The following MARK3 variants were observed in gnomAD, a reference collection of about 807,000 sequenced individuals.
The protein encoded by MARK3 is MAP/microtubule affinity-regulating kinase 3.
In MARK3, 46 loss-of-function variants were observed where a neutral mutation model predicts 90.1. The ratio of observed to expected loss-of-function variants is 0.51; its 90% CI spans 0.40 to 0.65. MARK3 has a LOEUF of 0.65. MARK3 is among the 30% of genes least tolerant of loss of function. The pLI, the probability that MARK3 is intolerant of heterozygous loss-of-function variation, is 0.00. For missense variants in MARK3, 818 were observed against 947.2 expected, an observed-to-expected ratio of 0.86 and a Z score of 1.79; for synonymous variants, 321 against 332.6, an observed-to-expected ratio of 0.97 and a Z score of 0.38.
chr14:103,452,928 A>G (rs932819590), intron 5 of MARK3, among the ~76,000 whole-genome samples: 3 of 152,220 alleles, frequency 2.0e-5, no homozygotes, highest in Admixed American at 2.0e-4. Flanking sequence ...TATCTTGAGT[A>G]TGTGGCTATT....
intron 3 of MARK3, among the ~76,000 whole-genome samples, chr14:103,431,473 A>G (rs764880247): frequency 6.6e-6 from 1 of 152,204 alleles, no homozygotes; most frequent in Non-Finnish European, 1.5e-5. Flanking sequence ...TCTACTAAAA[A>G]TACAAAAATT....
chr14:103,426,266 A>T (rs2092398800), intron 2 of MARK3, among the ~76,000 whole-genome samples: 1 of 41,934 alleles, frequency 2.4e-5, no homozygotes, highest in Non-Finnish European at 4.4e-5. Context: ...CAATTGTTAA[A>T]TACTTTTTTT....
chr14:103,418,913 A>T (rs1436001911), intron 2 of MARK3, among the ~76,000 whole-genome samples: 1 of 152,198 alleles, frequency 6.6e-6, no homozygotes, highest in African/African-American at 2.4e-5. Flanking sequence ...TAATCGTCAT[A>T]ATTGTTCATT....
intron 2 of MARK3, among the ~76,000 whole-genome samples, chr14:103,405,602 A>G (rs1413902021): frequency 1.3e-5 from 2 of 152,050 alleles, no homozygotes; most frequent in African/African-American, 4.8e-5. Context: ...CGGCCTCCCA[A>G]AGTGCTGGGA....
intron 14 of MARK3, chr14:103,491,143 G>T: frequency 8.2e-7 from 1 of 1,223,422 alleles, no homozygotes; most frequent in Non-Finnish European, 1.1e-6. Context: ...AAACTAATGT[G>T]TACCCACTGC....
At chr14:103,444,361 A>C (rs1472785712) in intron 3 of MARK3, among the ~76,000 whole-genome samples, 1 of 152,194 alleles carries the variant, frequency 6.6e-6, no homozygotes, top group African/African-American at 2.4e-5. Context: ...TGTGGAGGAT[A>C]TAGATTGATC....
rs79745269 is a variant in MARK3 at position 103,463,341 on chromosome 14, C to T, written c.540+880C>T. 1.8e-4 allele frequency among the ~76,000 whole-genome samples: 27 copies of T among 152,226 alleles called. No homozygotes were observed. The East Asian group carries it at 5.0e-3, about 28-fold the overall frequency. On this transcript the variant is annotated intron_variant, in intron 7 of 17. Coordinates refer to ENST00000429436, the MANE Select transcript of MARK3 (RefSeq NM_001128918.3). ...TCTGCACCCGCCCCTAGAGCATTCA[C>T]ATTCACTCTCTCAACTGCAGTGGCC...
In MARK3 at chr14:103,404,372, G is replaced by A. The variant is rs549259268; in HGVS notation, c.52-704G>A. 5.9e-5 allele frequency among the ~76,000 whole-genome samples: 9 copies of A among 152,346 alleles called. No homozygotes were observed. The East Asian group carries it at 1.7e-3, about 29-fold the overall frequency. On this transcript the variant is annotated intron_variant, in intron 1 of 17. Coordinates refer to ENST00000429436, the MANE Select transcript of MARK3 (RefSeq NM_001128918.3). ...AGGATTGGGACATCTAATCCTTTGA[G>A]TGTGTGTGGGGGCCAAGGGAGCAGT...
At chr14:103,421,468 T>G (rs1287415053) in intron 2 of MARK3, among the ~76,000 whole-genome samples, 1 of 152,172 alleles carries the variant, frequency 6.6e-6, no homozygotes, top group African/African-American at 2.4e-5. Context: ...TTTTTTTATT[T>G]TGTTCATGTC....
intron 14 of MARK3, among the ~76,000 whole-genome samples, chr14:103,486,904 G>GTTTAT (rs2093939664): frequency 1.4e-5 from 2 of 144,938 alleles, no homozygotes; most frequent in South Asian, 4.3e-4. Context: ...ATGTCAAAAA[G>GTTTAT]TTTATTTATT....
intron 1 of MARK3, among the ~76,000 whole-genome samples, chr14:103,397,328 T>C (rs1413107121): frequency 6.8e-6 from 1 of 146,476 alleles, no homozygotes; most frequent in African/African-American, 2.5e-5. Flanking sequence ...GAATAAACAT[T>C]TTTTTTTTTT....
At chr14:103,450,536 G>A (rs2093110447) in intron 4 of MARK3, among the ~76,000 whole-genome samples, 1 of 152,138 alleles carries the variant, frequency 6.6e-6, no homozygotes, top group African/African-American at 2.4e-5. Flanking sequence ...AAGACCCAAA[G>A]TTTCGTTGGA....
Position 103,491,918 on chromosome 14 carries a change from A to C in MARK3, c.1728A>C (p.Thr576=). The change falls in exon 15 of 18, where the codon ACA becomes ACC. Residue 576 remains threonine (T), a synonymous_variant. Coordinates refer to ENST00000429436, the MANE Select transcript of MARK3 (RefSeq NM_001128918.3). ...HGQPRERRTA[T]YNGPPASPSL... ...AGCCCCGGGAACGGCGAACCGCAAC[A>C]TATAATGGCCCTCCTGCCTCTCCCA... The C allele has an allele frequency of 6.2e-7, 1 of 1,614,188 alleles. No individual in the cohort carries two copies. The highest frequency in any genetic ancestry group is 8.5e-7 in the Non-Finnish European group (1 of 1,180,042).
chr14:103,481,449 A>G (rs1254276873), intron 14 of MARK3, among the ~76,000 whole-genome samples: 1 of 152,178 alleles, frequency 6.6e-6, no homozygotes, highest in Non-Finnish European at 1.5e-5. Flanking sequence ...TTTGATCACT[A>G]CATTTTGTGA....
intron 5 of MARK3, among the ~76,000 whole-genome samples, chr14:103,454,365 G>C (rs1345093285): frequency 6.6e-6 from 1 of 151,856 alleles, no homozygotes; most frequent in Non-Finnish European, 1.5e-5. Flanking sequence ...CAATTCTCCT[G>C]CCTCAGCTTC....
In MARK3 at chr14:103,500,196, T is replaced by C. The variant is rs962097496; in HGVS notation, c.1912T>C (p.Ser638Pro). ...TGAGAGGAACGGGAGATATGAGGGC[T>C]CAAGGTGAGGGAAATGATTTTTACT... The part of the protein sequence containing the change: ...EYERNGRYEG[S>P]SRNVSAEQKD... The change falls in exon 17 of 18, where the codon TCA (serine) becomes CCA (proline). Residue 638 changes from serine to proline, a missense_variant. Ser to Pro is a moderately conservative substitution (Grantham distance 74). This residue lies in a region of MARK3 where 560 missense variants were observed against 613.5 expected (regional missense o/e 0.91). Transcript: ENST00000429436. 1 of 1,603,724 alleles carries C rather than the reference T, an allele frequency of 6.2e-7. No individual in the cohort carries two copies. The highest frequency in any genetic ancestry group is 1.1e-5 in the South Asian group (1 of 88,654).
chr14:103,476,564 A>T (rs1421596550), intron 13 of MARK3, among the ~76,000 whole-genome samples: 1 of 152,218 alleles, frequency 6.6e-6, no homozygotes, highest in African/African-American at 2.4e-5. Flanking sequence ...TTTTCTGTGT[A>T]TTGAAGTATG....
intron 5 of MARK3, among the ~76,000 whole-genome samples, chr14:103,456,006 G>A (rs963047390): frequency 6.6e-6 from 1 of 152,102 alleles, no homozygotes; most frequent in Non-Finnish European, 1.5e-5. Flanking sequence ...GATTTCAGAG[G>A]TGGTGATTCT....
intron 1 of MARK3, among the ~76,000 whole-genome samples, chr14:103,404,492 G>A (rs1220732612): frequency 6.6e-6 from 1 of 151,840 alleles, no homozygotes; most frequent in Non-Finnish European, 1.5e-5. Flanking sequence ...GAGACATATT[G>A]AGTACTTTAT....
Sources: gnomAD v4.1 joint callset for allele counts (sites outside exome capture counted in the v4.1 genomes callset) on GRCh38, gnomAD v4.1.1 for gene constraint, gnomAD v4.1.1 regional missense constraint, MANE v1.5 for transcripts, NCBI Gene and HGNC (gene_info 2026-07-23, HGNC 2026-07-21) for gene names.